The following PDE4D variants were observed in gnomAD, a reference collection of about 807,000 sequenced individuals.
PDE4D encodes the protein 3',5'-cyclic-AMP phosphodiesterase 4D.
Under a neutral mutation model 87.4 loss-of-function variants are expected in PDE4D, and 24 were observed. The observed-to-expected ratio is 0.27, with a 90% CI of 0.20 to 0.39. The LOEUF is 0.39. Among genes scored for constraint, PDE4D ranks in the 10% least tolerant of loss-of-function variants. The pLI is 1.00. For missense variants in PDE4D, 714 were observed against 1,041.0 expected (o/e 0.69, Z 4.32); for synonymous variants, 384 against 383.2 (o/e 1.00, Z -0.02).
chr5:59,337,113 G>C lies in PDE4D; in HGVS notation c.456-121145C>G, dbSNP rs529624404. Among the ~76,000 whole-genome samples, 546 of 152,188 alleles carry C rather than the reference G, an allele frequency of 3.6e-3. 4 individuals carry two copies. The highest frequency in any genetic ancestry group is 0.012 in the African/African-American group (505 of 41,506). ...AAAGTGTGTGGAGAGAACACAAAAAGAGGAGAAGGATGAAGGAAGAAGACA... is the reference window on the plus strand; with the variant it reads ...AAAGTGTGTGGAGAGAACACAAAAACAGGAGAAGGATGAAGGAAGAAGACA... On this transcript the variant is annotated intron_variant, in intron 1 of 14. Transcript: ENST00000340635.
intron 1 of PDE4D, among the ~76,000 whole-genome samples, chr5:59,784,048 G>A (rs1764894447): frequency 6.6e-6 from 1 of 152,030 alleles, no homozygotes; most frequent in Non-Finnish European, 1.5e-5. Flanking sequence ...GACAGAGTGA[G>A]ACAATCTCAA....
chr5:60,138,649 T>C (rs1384553584), intron 2 of PDE4D, among the ~76,000 whole-genome samples: 2 of 152,074 alleles, frequency 1.3e-5, no homozygotes, highest in Admixed American at 6.6e-5. Flanking sequence ...CTCACTGAAC[T>C]TAAGTGTGTG....
intron 1 of PDE4D, among the ~76,000 whole-genome samples, chr5:60,321,724 T>C (rs916626413): frequency 6.6e-6 from 1 of 151,958 alleles, no homozygotes; most frequent in African/African-American, 2.4e-5. Flanking sequence ...CATCACAAAG[T>C]GAGCAAAGGA....
intron 2 of PDE4D, among the ~76,000 whole-genome samples, chr5:60,018,406 G>A (rs1456886554): frequency 6.6e-6 from 1 of 151,980 alleles, no homozygotes. Flanking sequence ...TAAAGACCAA[G>A]GACACTATAT....
intron 1 of PDE4D, among the ~76,000 whole-genome samples, chr5:60,422,062 G>A (rs937685421): frequency 2.0e-5 from 3 of 152,164 alleles, no homozygotes; most frequent in African/African-American, 7.2e-5. Flanking sequence ...CCAAATCTAC[G>A]TCTGATTGAT....
intron 1 of PDE4D, among the ~76,000 whole-genome samples, chr5:59,292,913 T>G (rs979887271): frequency 2.6e-5 from 4 of 152,170 alleles, no homozygotes; most frequent in African/African-American, 9.6e-5. Context: ...TTCCAGATAG[T>G]GCCCTATTTC....
At chr5:60,319,760 T>G (rs995668548) in intron 1 of PDE4D, among the ~76,000 whole-genome samples, 1 of 152,344 alleles carries the variant, frequency 6.6e-6, no homozygotes, top group South Asian at 2.1e-4. Flanking sequence ...CCAGACCCTG[T>G]TTCCCTGGGT....
chr5:60,000,522 T>C (rs1041319635), intron 2 of PDE4D, among the ~76,000 whole-genome samples: 7 of 152,136 alleles, frequency 4.6e-5, no homozygotes, highest in African/African-American at 1.7e-4. Context: ...AGATAAACAA[T>C]GGCTAAGGTA....
At chr5:60,378,636 G>T (rs1448801663) in intron 1 of PDE4D, among the ~76,000 whole-genome samples, 1 of 151,988 alleles carries the variant, frequency 6.6e-6, no homozygotes, top group Non-Finnish European at 1.5e-5. Context: ...GGTGGATCAC[G>T]ATGTCAGGAG....
At chr5:60,460,419 G>T in intron 1 of PDE4D, 1 of 1,240,282 alleles carries the variant, frequency 8.1e-7, no homozygotes, top group Non-Finnish European at 1.2e-6. Context: ...CCTCCAGCAG[G>T]GCAGACACTT....
intron 5 of PDE4D, among the ~76,000 whole-genome samples, chr5:59,122,969 G>A (rs968754656): frequency 1.3e-5 from 2 of 151,876 alleles, no homozygotes; most frequent in Non-Finnish European, 2.9e-5. Flanking sequence ...AAAGAGTCCT[G>A]TAACATCAGA....
intron 1 of PDE4D, among the ~76,000 whole-genome samples, chr5:59,655,162 GA>G (rs149624981): frequency 2.0e-5 from 3 of 150,164 alleles, no homozygotes; most frequent in East Asian, 2.0e-4. Flanking sequence ...AAAATTCTCT[GA>G]AAAAAAAATT....
chr5:59,219,141 A>T (rs1436769246), intron 1 of PDE4D, among the ~76,000 whole-genome samples: 2 of 151,174 alleles, frequency 1.3e-5, no homozygotes, highest in Non-Finnish European at 2.9e-5. Context: ...ACATGTATAC[A>T]TATGTATCTA....
At chr5:59,820,295 C>T (rs1415868295) in intron 1 of PDE4D, among the ~76,000 whole-genome samples, 1 of 152,210 alleles carries the variant, frequency 6.6e-6, no homozygotes, top group Non-Finnish European at 1.5e-5. Context: ...ATTCAAGTGG[C>T]TGCTAAGGGC....
chr5:60,105,700 C>T (rs1776814792), intron 2 of PDE4D, among the ~76,000 whole-genome samples: 1 of 151,962 alleles, frequency 6.6e-6, no homozygotes, highest in African/African-American at 2.4e-5. Context: ...ATAATGGGGG[C>T]CAATATTCAA....
chr5:60,474,105 C>CATATATATATATGT (rs1491252291), intron 1 of PDE4D, among the ~76,000 whole-genome samples: 2 of 30,982 alleles, frequency 6.5e-5, no homozygotes, highest in South Asian at 1.5e-3. Flanking sequence ...TTTGAGCTGC[C>CATATATATATATGT]ATATATATAT....
At chr5:59,815,195 G>C (rs1317029650) in intron 1 of PDE4D, among the ~76,000 whole-genome samples, 1 of 152,228 alleles carries the variant, frequency 6.6e-6, no homozygotes, top group East Asian at 1.9e-4. Flanking sequence ...AGGGGAACAG[G>C]AGAGCTGATG....
intron 1 of PDE4D, among the ~76,000 whole-genome samples, chr5:59,664,955 G>T (rs1319519085): frequency 1.3e-5 from 2 of 152,038 alleles, no homozygotes; most frequent in African/African-American, 4.8e-5. Context: ...AACACCCAAG[G>T]AAAAACAAGT....
chr5:59,306,485 T>A (rs1281809578), intron 1 of PDE4D, among the ~76,000 whole-genome samples: 1 of 152,206 alleles, frequency 6.6e-6, no homozygotes, highest in Non-Finnish European at 1.5e-5. Context: ...TTAGCTTGTA[T>A]TTTTGTTTTA....
Sources: gnomAD v4.1 joint callset for allele counts (sites outside exome capture counted in the v4.1 genomes callset) on GRCh38, gnomAD v4.1.1 for gene constraint, MANE v1.5 for transcripts, NCBI Gene and HGNC (gene_info 2026-07-23, HGNC 2026-07-21) for gene names.